The following RCL1 variants were observed in gnomAD, a reference collection of about 807,000 sequenced individuals.
RCL1 encodes the protein RNA 3'-terminal phosphate cyclase-like protein.
Under a neutral mutation model 42.4 loss-of-function variants are expected in RCL1, and 24 were observed. That is an observed-to-expected ratio of 0.57 (90% CI 0.41 to 0.80). The LOEUF is 0.80. Among genes scored for constraint, RCL1 ranks in the 30% least tolerant of loss-of-function variants. RCL1 has a pLI of 0.00. For synonymous variants in RCL1, 228 were observed against 177.3 expected (o/e 1.29, Z -2.27); for missense variants, 578 against 467.9 (o/e 1.24, Z -2.17).
rs940660299 is a variant in RCL1 at position 4,827,326 on chromosome 9, C to T, written c.384+293C>T. On this transcript the variant is annotated intron_variant, in intron 3 of 8. Coordinates refer to ENST00000381750, the MANE Select transcript of RCL1 (RefSeq NM_005772.5). ...ATAGTTGACATGAACTATAGTTCTGCTGGCTGTATATGTGAGAGTGGAGTT... is the reference window on the plus strand; with the variant it reads ...ATAGTTGACATGAACTATAGTTCTGTTGGCTGTATATGTGAGAGTGGAGTT... The T allele has an allele frequency of 1.0e-5, 12 of 1,162,390 alleles. No homozygotes were observed. In the African/African-American group the frequency reaches 1.7e-4, roughly 17 times the overall value. The allele number at this position is 1,162,390 out of a possible 1,614,324, so 72.0% of individuals were successfully genotyped here.
chr9:4,800,728 C>T (rs569868376), intron 1 of RCL1, among the ~76,000 whole-genome samples: 4 of 149,790 alleles, frequency 2.7e-5, no homozygotes, highest in Non-Finnish European at 5.9e-5. Context: ...TCTTGGCTCA[C>T]TGCAACCTCC....
intron 4 of RCL1, 27 bp from the exon 5 acceptor site, chr9:4,834,114 G>A (rs761568755): frequency 3.7e-5 from 59 of 1,605,884 alleles, no homozygotes; most frequent in Non-Finnish European, 4.5e-5. Context: ...CTGCATCCTC[G>A]CCTCATCTTT....
At chr9:4,853,446 T>G (rs1200439836) in intron 8 of RCL1, among the ~76,000 whole-genome samples, 1 of 151,854 alleles carries the variant, frequency 6.6e-6, no homozygotes, top group Non-Finnish European at 1.5e-5. Flanking sequence ...CTCAGCCTCC[T>G]GAGTAGCTGG....
intron 1 of RCL1, among the ~76,000 whole-genome samples, chr9:4,815,533 G>C (rs1487844916): frequency 6.6e-6 from 1 of 151,954 alleles, no homozygotes; most frequent in African/African-American, 2.4e-5. Context: ...GGTAGGGGTA[G>C]GTGGAGTGGC....
chr9:4,809,107 T>A (rs1189521628), intron 1 of RCL1, among the ~76,000 whole-genome samples: 1 of 151,052 alleles, frequency 6.6e-6, no homozygotes, highest in Non-Finnish European at 1.5e-5. Context: ...TTCTTAAGGT[T>A]TTTTTTTTAA....
intron 1 of RCL1, among the ~76,000 whole-genome samples, chr9:4,805,393 A>G (rs77159160): frequency 1.0e-5 from 1 of 95,404 alleles, no homozygotes; most frequent in African/African-American, 4.1e-5. Context: ...TAAAAAGAAG[A>G]AGAAGGAGAA....
At chr9:4,856,595 A>G (rs1227516456) in intron 8 of RCL1, among the ~76,000 whole-genome samples, 4 of 152,178 alleles carry the variant, frequency 2.6e-5, no homozygotes, top group Non-Finnish European at 5.9e-5. Context: ...ATACATAAGC[A>G]TTTAATTAGA....
At chr9:4,815,049 T>C (rs1158198439) in intron 1 of RCL1, among the ~76,000 whole-genome samples, 1 of 152,218 alleles carries the variant, frequency 6.6e-6, no homozygotes, top group Non-Finnish European at 1.5e-5. Context: ...AATTCTCTTT[T>C]TATCTTTCAC....
intron 6 of RCL1, among the ~76,000 whole-genome samples, chr9:4,841,958 T>C (rs1265276070): frequency 6.6e-6 from 1 of 152,220 alleles, no homozygotes; most frequent in Non-Finnish European, 1.5e-5. Context: ...ATTTAGCAAC[T>C]AGGAAGTTAG....
intron 2 of RCL1, 124 bp downstream of exon 2, chr9:4,823,743 G>A: frequency 3.2e-6 from 2 of 633,792 alleles, no homozygotes; most frequent in Non-Finnish European, 2.7e-6. Flanking sequence ...TCTTTTTAAT[G>A]GTATAAATAT....
At position 4,832,805 on chromosome 9, in the gene RCL1, C is replaced by CAAAA. The variant is rs34915834; in HGVS notation, c.385-327_385-324dup. ...CCTGGTGACAGAGCGAGATTCCACT[C>CAAAA]AAAAAAAAAAAAAAAAAAAAAAAAA... is the stretch of plus-strand genomic sequence containing the variant. On this transcript the variant is annotated intron_variant, in intron 3 of 8. Coordinates refer to ENST00000381750, the MANE Select transcript of RCL1 (RefSeq NM_005772.5). Among the ~76,000 whole-genome samples, 111 of 39,174 alleles carry CAAAA rather than the reference C, an allele frequency of 2.8e-3. 4 individuals are homozygous for CAAAA. Among genetic ancestry groups the CAAAA allele is most frequent in the African/African-American group, 7.9e-3 (80 of 10,102 alleles). The allele number at this position is 39,174 out of a possible 152,430, so 25.7% of individuals were successfully genotyped here. A position where few individuals can be genotyped will look rare whatever the true frequency, so the allele number is the denominator to read the frequency against.
chr9:4,816,991 G>T (rs1249623529), intron 1 of RCL1, among the ~76,000 whole-genome samples: 3 of 152,084 alleles, frequency 2.0e-5, no homozygotes, highest in Non-Finnish European at 4.4e-5. Flanking sequence ...TAATTTTTTT[G>T]TATTTTTGGT....
intron 5 of RCL1, chr9:4,839,860 G>A (rs1817255544): frequency 1.0e-6 from 1 of 985,568 alleles, no homozygotes; most frequent in Non-Finnish European, 1.2e-6. Flanking sequence ...GAGATGTATG[G>A]TAAGTTCAAG....
chr9:4,804,411 C>G (rs549925009), intron 1 of RCL1: 2 of 152,518 alleles, frequency 1.3e-5, no homozygotes, highest in East Asian at 3.9e-4. Flanking sequence ...TTTGCTCACA[C>G]TGAAGACCAA....
intron 1 of RCL1, among the ~76,000 whole-genome samples, chr9:4,819,460 T>C (rs1162297868): frequency 6.6e-6 from 1 of 152,246 alleles, no homozygotes; most frequent in African/African-American, 2.4e-5. Context: ...TATGTACATA[T>C]ATGTACACTT....
At chr9:4,809,754 C>T (rs537229933) in intron 1 of RCL1, among the ~76,000 whole-genome samples, 3 of 152,086 alleles carry the variant, frequency 2.0e-5, no homozygotes, top group Admixed American at 2.0e-4. Context: ...TACTTTTTTT[C>T]TTGAGATACC....
intron 2 of RCL1, among the ~76,000 whole-genome samples, chr9:4,826,396 G>A (rs1240804432): frequency 6.6e-6 from 1 of 152,180 alleles, no homozygotes; most frequent in Non-Finnish European, 1.5e-5. Flanking sequence ...ATGCCATAAA[G>A]TACTTGCCTT....
intron 6 of RCL1, 88 bp downstream of exon 6, chr9:4,841,445 C>A: frequency 3.9e-6 from 4 of 1,024,860 alleles, no homozygotes; most frequent in Non-Finnish European, 5.9e-6. Flanking sequence ...TCTGAGGTTG[C>A]GCAGCCAGAG....
chr9:4,840,904 C>T (rs1320029525), intron 5 of RCL1, among the ~76,000 whole-genome samples: 4 of 151,934 alleles, frequency 2.6e-5, no homozygotes, highest in Non-Finnish European at 4.4e-5. Flanking sequence ...GATCATGACC[C>T]GCAGAGAGGC....
Sources: allele counts gnomAD v4.1 joint callset (sites outside exome capture counted in the v4.1 genomes callset), GRCh38; gene constraint gnomAD v4.1.1; transcripts MANE v1.5; gene names NCBI Gene and HGNC (gene_info 2026-07-23, HGNC 2026-07-21).